Variants in UBR4 observed in about 807,000 individuals in gnomAD.
UBR4 encodes E3 ubiquitin-protein ligase UBR4.
In UBR4, 124 loss-of-function variants were observed where a neutral mutation model predicts 575.6. The ratio of observed to expected loss-of-function variants is 0.22; its 90% CI spans 0.19 to 0.25. UBR4 has a LOEUF of 0.25. UBR4 is among the 10% of genes least tolerant of loss of function. The probability of loss-of-function intolerance (pLI) is 1.00; values close to 1 mark genes in which losing one functional copy is unlikely to be tolerated. For missense variants in UBR4, 4,818 were observed against 6,478.8 expected (o/e 0.74, Z 8.80); for synonymous variants, 2,455 against 2,473.7 (o/e 0.99, Z 0.22).
chr1:19,149,879 G>A (rs2085414852), intron 49 of UBR4: 5 of 1,086,496 alleles, frequency 4.6e-6, no homozygotes, highest in Non-Finnish European at 6.1e-6. Flanking sequence ...AGCAAACCAT[G>A]TATGGATAGG....
rs1263054097 is a variant in UBR4, at chr1:19,154,903, A to C, written c.6458+15T>G. 1 of 1,614,134 alleles carries C rather than the reference A, an allele frequency of 6.2e-7. No homozygotes were observed. Among genetic ancestry groups the C allele is most frequent in the South Asian group, 1.1e-5 (1 of 91,088 alleles). On this transcript the variant is annotated intron_variant, in intron 44 of 105. Transcript: ENST00000375254. ...TGGACATTGCGGAAGTTGAACATTA[A>C]ATGTTCATTCCCACCTTTTGATGTT...
At chr1:19,112,408 C>T (rs2080002149) in intron 78 of UBR4, 116 bp downstream of exon 78, 4 of 1,200,982 alleles carry the variant, frequency 3.3e-6, no homozygotes, top group Non-Finnish European at 4.7e-6. Context: ...TTGTTATAAG[C>T]TACCTAACTT....
chr1:19,183,676 C>G (rs998600639), intron 17 of UBR4, 135 bp downstream of exon 17: 5 of 835,480 alleles, frequency 6.0e-6, no homozygotes, highest in Non-Finnish European at 9.5e-6. Flanking sequence ...GAGCCAAGAC[C>G]GTGTCACTGC....
At chr1:19,122,138 G>T (rs1481244394) in intron 66 of UBR4, 126 bp from the exon 67 acceptor site, 3 of 890,916 alleles carry the variant, frequency 3.4e-6, no homozygotes, top group African/African-American at 1.6e-5. Context: ...TCTGAGCAAG[G>T]CAGATGCTTG....
At position 19,152,612 on chromosome 1, in the gene UBR4, C is replaced by A; in HGVS notation, c.6833-136G>T. Reference sequence around the variant, plus strand: ...CTCTGGATTATAACATTTGCATCGGCATGATGCCTACATGTGGTTAGCTCT... The same window carrying A: ...CTCTGGATTATAACATTTGCATCGGAATGATGCCTACATGTGGTTAGCTCT... On this transcript the variant is annotated intron_variant, in intron 46 of 105. Coordinates refer to ENST00000375254, the MANE Select transcript of UBR4 (RefSeq NM_020765.3). This position sits in a 1 kb window ranked among gnomAD's most constrained non-coding sequence, Gnocchi z 4.4. 3 of 1,163,902 alleles carry A rather than the reference C, an allele frequency of 2.6e-6. No homozygotes were observed. Among genetic ancestry groups the A allele is most frequent in the Non-Finnish European group, 3.6e-6 (3 of 822,018 alleles). The allele number at this position is 1,163,902 out of a possible 1,614,324, so 72.1% of individuals were successfully genotyped here. A position where few individuals can be genotyped will look rare whatever the true frequency, so the allele number is the denominator to read the frequency against.
chr1:19,076,696 C>T, intron 105 of UBR4, 44 bp downstream of exon 105: 2 of 1,613,508 alleles, frequency 1.2e-6, no homozygotes, highest in East Asian at 2.2e-5. Context: ...AGACATGGGG[C>T]TTTGCTGCGG....
rs751291001 is a variant in UBR4 at position 19,143,969 on chromosome 1, C to G, written c.8179+11G>C. The G allele has an allele frequency of 6.2e-7, 1 of 1,612,098 alleles. No homozygotes were observed. Among genetic ancestry groups the G allele is most frequent in the Admixed American group, 1.7e-5 (1 of 60,004 alleles). On this transcript the variant is annotated intron_variant, in intron 55 of 105. Transcript: ENST00000375254. ...ATACAGGCTTGAGCCTAAACCCAGA[C>G]CTCATATTACCCATTGGAGTGTTGC... is the stretch of plus-strand genomic sequence containing the variant.
chr1:19,119,794 CA>C, intron 69 of UBR4, 93 bp from the exon 70 acceptor site: 1 of 1,480,768 alleles, frequency 6.8e-7, no homozygotes, highest in East Asian at 2.3e-5. Flanking sequence ...AATTTCCCCA[CA>C]ATTATGGGTT....
intron 29 of UBR4, 33 bp downstream of exon 29, chr1:19,166,989 A>G: frequency 6.2e-7 from 1 of 1,611,628 alleles, no homozygotes; most frequent in South Asian, 1.1e-5. Context: ...GCAGTAGGTC[A>G]TAGGAAACCT....
intron 105 of UBR4, among the ~76,000 whole-genome samples, chr1:19,076,519 T>C (rs2075957735): frequency 2.0e-5 from 3 of 152,202 alleles, no homozygotes; most frequent in Non-Finnish European, 2.9e-5. Context: ...GAACAGCCCA[T>C]GTCGGGGAAA....
At chr1:19,134,085 C>CAAA (rs1354909087) in intron 60 of UBR4, among the ~76,000 whole-genome samples, 2 of 44,068 alleles carry the variant, frequency 4.5e-5, no homozygotes, top group African/African-American at 2.8e-4. Flanking sequence ...GACTCTGTCT[C>CAAA]TAAAAAAAAA....
At chr1:19,177,804 ATG>A in intron 18 of UBR4, 61 bp from the exon 19 acceptor site, 2 of 1,554,454 alleles carry the variant, frequency 1.3e-6, no homozygotes. Flanking sequence ...AGGAGTTATA[ATG>A]TCAAGCACTA....
chr1:19,194,639 T>TA (rs1356509182), intron 8 of UBR4, among the ~76,000 whole-genome samples: 1 of 151,834 alleles, frequency 6.6e-6, no homozygotes, highest in Non-Finnish European at 1.5e-5. Context: ...CCATCTCTAC[T>TA]AAAAATGCAA....
intron 8 of UBR4, among the ~76,000 whole-genome samples, chr1:19,195,938 C>T (rs1043870496): frequency 6.6e-6 from 1 of 150,674 alleles, no homozygotes; most frequent in Non-Finnish European, 1.5e-5. Flanking sequence ...ACAACACCCA[C>T]GAACAGCCAT....
In UBR4 at chr1:19,165,226, G is replaced by C. The variant is rs774798861; in HGVS notation, c.4312+23C>G. On this transcript the variant is annotated intron_variant, in intron 31 of 105. Transcript: ENST00000375254. ...CCGGACATCAAAGTTCCCATAAGAAGATTACTAAAAGCTGTCACTCACTCA... is the reference window on the plus strand; with the variant it reads ...CCGGACATCAAAGTTCCCATAAGAACATTACTAAAAGCTGTCACTCACTCA... The C allele has an allele frequency of 6.2e-6, 10 of 1,600,568 alleles. No individual in the cohort carries two copies. The Admixed American group carries it at 8.3e-5, about 13-fold the overall frequency.
chr1:19,177,071 C>T (rs904999945), intron 19 of UBR4, among the ~76,000 whole-genome samples: 1 of 152,162 alleles, frequency 6.6e-6, no homozygotes, highest in Non-Finnish European at 1.5e-5. Context: ...TCCTCCTATC[C>T]TTATTTTGGA....
intron 87 of UBR4, among the ~76,000 whole-genome samples, 197 bp downstream of exon 87, chr1:19,103,887 A>G (rs2078914937): frequency 6.6e-6 from 1 of 152,254 alleles, no homozygotes; most frequent in Admixed American, 6.5e-5. Flanking sequence ...TGAAAAATCC[A>G]AAGTGACTGA....
rs756867433 is a variant in UBR4 at position 19,176,587 on chromosome 1, C to A, written c.2773+5G>T. The A allele has an allele frequency of 1.2e-6, 2 of 1,613,074 alleles. No homozygotes were observed. The highest frequency in any genetic ancestry group is 2.2e-5 in the South Asian group (2 of 91,030). ...CAGTTTCTTATTAACAGTCTTCTTTCTGACCTGATGAGAAATGCTTAGACC... is the reference window on the plus strand; with the variant it reads ...CAGTTTCTTATTAACAGTCTTCTTTATGACCTGATGAGAAATGCTTAGACC... On this transcript the variant is annotated splice_donor_5th_base_variant and intron_variant, in intron 20 of 105. Coordinates refer to ENST00000375254, the MANE Select transcript of UBR4 (RefSeq NM_020765.3).
At chr1:19,076,255 G>A (rs975366154) in intron 105 of UBR4, among the ~76,000 whole-genome samples, 3 of 152,252 alleles carry the variant, frequency 2.0e-5, no homozygotes, top group Admixed American at 6.5e-5. Context: ...CGGCCCTGCT[G>A]GGTCGCCCAT....
Sources: allele counts gnomAD v4.1 joint callset (sites outside exome capture counted in the v4.1 genomes callset), GRCh38; gene constraint gnomAD v4.1.1; non-coding constraint Gnocchi (gnomAD v3.1); transcripts MANE v1.5; gene names NCBI Gene and HGNC (gene_info 2026-07-23, HGNC 2026-07-21).